CASP6: variants seen among roughly 807,000 people sequenced by gnomAD.
CASP6 encodes caspase 6.
A neutral mutation model predicts 31.8 loss-of-function variants in CASP6; 20 were observed. That is an observed-to-expected ratio of 0.63 (90% CI 0.44 to 0.91). The LOEUF is 0.91. CASP6 is among the 40% of genes least tolerant of loss of function. The pLI is 0.00. For missense variants in CASP6, 328 were observed against 361.1 expected (o/e 0.91, Z 0.74); for synonymous variants, 130 against 127.8 (o/e 1.02, Z -0.12).
the CASP6 span, among the ~76,000 whole-genome samples, chr4:109,677,302 G>T: frequency 4.2e-3 from 644 of 152,244 alleles, 7 homozygotes; most frequent in African/African-American, 0.015. Flanking sequence ...TTTGATTTCA[G>T]ACTCACAGCT....
the CASP6 span, among the ~76,000 whole-genome samples, chr4:109,676,344 G>A: frequency 6.6e-6 from 1 of 152,154 alleles, no homozygotes; most frequent in Non-Finnish European, 1.5e-5. Flanking sequence ...TTTGAGACCA[G>A]TGTGGCCAAC....
chr4:109,687,773 A>G (rs1037763041), downstream of CASP6: 7 of 583,584 alleles, frequency 1.2e-5, no homozygotes, highest in African/African-American at 1.3e-4. Context: ...ATGACTTGCT[A>G]ATGTTAGAAA....
At chr4:109,673,858 G>C in the CASP6 span, 2 of 765,438 alleles carry the variant, frequency 2.6e-6, no homozygotes, top group Non-Finnish European at 4.9e-6. Context: ...AGCAGACACA[G>C]GTGTTTCTCT....
the CASP6 span, among the ~76,000 whole-genome samples, chr4:109,676,571 TC>T: frequency 3.9e-5 from 6 of 152,190 alleles, no homozygotes; most frequent in African/African-American, 1.4e-4. Flanking sequence ...TCCAAACTCT[TC>T]CAGCCTTTGC....
chr4:109,704,010 G>C (rs1452716056), upstream of CASP6, among the ~76,000 whole-genome samples: 1 of 151,982 alleles, frequency 6.6e-6, no homozygotes, highest in Non-Finnish European at 1.5e-5. Flanking sequence ...AATTGTTTTG[G>C]GGCACCATGA....
chr4:109,689,403 A>G lies in CASP6; in HGVS notation c.809T>C (p.Ile270Thr), dbSNP rs141415909. The change falls in exon 7 of 7, where the codon ATT (isoleucine) becomes ACT (threonine). Residue 270 changes from isoleucine (I) to threonine (T), a missense_variant. Transcript: ENST00000265164. ...RVDFCKDPSA[I>T]GKKQVPCFAS... ...AAAACAGGGAACCTGCTTCTTTCCA[A>G]TTGCACTTGGGTCTTTGCAAAAGTC... 1.7e-5 allele frequency: 27 copies of G among 1,614,092 alleles called. No individual in the cohort carries two copies. Among genetic ancestry groups the G allele is most frequent in the African/African-American group, 6.7e-5 (5 of 74,914 alleles).
At chr4:109,703,278 G>T in intron 1 of CASP6, 78 bp downstream of exon 1, 1 of 1,513,112 alleles carries the variant, frequency 6.6e-7, no homozygotes, top group South Asian at 1.2e-5. Flanking sequence ...CGCGCGCCCG[G>T]TCCACTAACC....
chr4:109,679,376 G>A, the CASP6 span, among the ~76,000 whole-genome samples: 5,684 of 152,270 alleles, frequency 0.037, 377 homozygotes, highest in African/African-American at 0.13. Context: ...CTGAGTGAGC[G>A]AGACTCCGTC....
downstream of CASP6, chr4:109,687,753 T>G: frequency 1.7e-6 from 1 of 598,216 alleles, no homozygotes; most frequent in Non-Finnish European, 2.9e-6. Flanking sequence ...TTTTTACTTT[T>G]TGGATTTTTA....
chr4:109,691,239 T>C lies in CASP6; in HGVS notation c.484-230A>G, dbSNP rs5030591. Among the ~76,000 whole-genome samples, 1,097 of 152,326 alleles carry C rather than the reference T, an allele frequency of 7.2e-3. 18 individuals carry two copies. The highest frequency in any genetic ancestry group is 0.024 in the African/African-American group (1,010 of 41,560). ...TTAAGAAAAAATTGGCATCCCCAAG[T>C]ATACATCAAATTATGTTGGTAGAAG... On this transcript the variant is annotated intron_variant, in intron 5 of 6. Coordinates refer to ENST00000265164, the MANE Select transcript of CASP6 (RefSeq NM_001226.4).
intron 5 of CASP6, chr4:109,692,327 G>T (rs1241441195): frequency 6.6e-6 from 1 of 152,124 alleles, no homozygotes; most frequent in Non-Finnish European, 1.5e-5. Flanking sequence ...TGTATGCCAG[G>T]CACTGTTCTA....
intron 6 of CASP6, among the ~76,000 whole-genome samples, chr4:109,689,819 G>A (rs1215353080): frequency 1.3e-5 from 2 of 152,064 alleles, no homozygotes; most frequent in Non-Finnish European, 2.9e-5. Flanking sequence ...TCCCAAGATA[G>A]ACAATGATTG....
chr4:109,685,158 T>C (rs1729809464), downstream of CASP6: 20 of 640,478 alleles, frequency 3.1e-5, no homozygotes, highest in Non-Finnish European at 4.7e-5. Context: ...TGCCTTCTTT[T>C]GCTTTGGTGT....
chr4:109,664,943 TAAA>T, the CASP6 span, among the ~76,000 whole-genome samples: 6 of 150,830 alleles, frequency 4.0e-5, no homozygotes, highest in East Asian at 1.2e-3. Flanking sequence ...TTAACTCTTG[TAAA>T]AAAAAAAAAT....
upstream of CASP6, chr4:109,703,538 G>A (rs2126162610): frequency 1.9e-6 from 2 of 1,057,672 alleles, no homozygotes; most frequent in South Asian, 3.2e-5. Flanking sequence ...ATTGCGCGCC[G>A]CCCGGGCTCC....
chr4:109,695,194 CGTACT>C (rs1730199625), intron 4 of CASP6, among the ~76,000 whole-genome samples: 1 of 151,934 alleles, frequency 6.6e-6, no homozygotes, highest in South Asian at 2.1e-4. Flanking sequence ...AACAATATAC[CGTACT>C]GTATCTTATT....
upstream of CASP6, chr4:109,703,620 C>T (rs1389134973): frequency 1.7e-5 from 10 of 581,834 alleles, no homozygotes; most frequent in Admixed American, 3.2e-5. Flanking sequence ...GGACCAAGAG[C>T]GCGGGGGCAG....
rs773579340 is a variant in CASP6 at position 109,703,416 on chromosome 4, G to A, written c.-21C>T. On this transcript the variant is annotated 5_prime_UTR_variant, in exon 1 of 7. Transcript: ENST00000265164. ...CTCATTGCAGCCAAACGCGCAGCCAGACACCTTGCCCTCCTCTTCCTGAAG... is the reference window on the plus strand; with the variant it reads ...CTCATTGCAGCCAAACGCGCAGCCAAACACCTTGCCCTCCTCTTCCTGAAG... 1.2e-6 allele frequency: 2 copies of A among 1,610,744 alleles called. No homozygotes were observed. The highest frequency in any genetic ancestry group is 1.7e-6 in the Non-Finnish European group (2 of 1,178,804).
chr4:109,694,532 A>G lies in CASP6; in HGVS notation c.476T>C (p.Ile159Thr). 6.2e-7 allele frequency: 1 copy of G among 1,600,390 alleles called. No homozygotes were observed. The highest frequency in any genetic ancestry group is 1.1e-5 in the South Asian group (1 of 87,646). The change falls in exon 5 of 7, where the codon ATC becomes ACC. Residue 159 changes from isoleucine (I) to threonine (T), a missense_variant. Transcript: ENST00000265164. ...HSLVGKPKIFIIQACRGNQHD... is the reference protein window; with the variant it reads ...HSLVGKPKIFTIQACRGNQHD... ...TAATGTACTCAGTCTTACCTGAATG[A>G]TAAATATCTTGGGTTTTCCAACCAG...
Sources: gnomAD v4.1 joint callset for allele counts (sites outside exome capture counted in the v4.1 genomes callset) on GRCh38, gnomAD v4.1.1 for gene constraint, MANE v1.5 for transcripts, NCBI Gene and HGNC (gene_info 2026-07-23, HGNC 2026-07-21) for gene names.